The following DCDC1 variants were observed in gnomAD, a reference collection of about 807,000 sequenced individuals.
DCDC1 encodes the protein doublecortin domain containing 1.
A neutral mutation model predicts 178.3 loss-of-function variants in DCDC1; 200 were observed. The observed-to-expected ratio is 1.12, with a 90% CI of 1.00 to 1.26. The LOEUF is 1.26. Ranked by LOEUF, DCDC1 falls within the 50% of genes most tolerant of loss-of-function variation. DCDC1 has a pLI of 0.00. For synonymous variants in DCDC1, 690 were observed against 604.8 expected (o/e 1.14, Z -2.07); for missense variants, 1,983 against 1,749.2 (o/e 1.13, Z -2.38).
rs1051240225 is a variant in DCDC1, at chr11:30,944,998, T to G, written c.2715+7447A>C. 6.6e-5 allele frequency among the ~76,000 whole-genome samples: 8 copies of G among 121,164 alleles called. No individual in the cohort carries two copies. In the Admixed American group the frequency reaches 8.8e-4, roughly 13 times the overall value. The allele number at this position is 121,164 out of a possible 152,430, so 79.5% of individuals were successfully genotyped here. A position where few individuals can be genotyped will look rare whatever the true frequency, so the allele number is the denominator to read the frequency against. On this transcript the variant is annotated intron_variant, in intron 21 of 38. Transcript: ENST00000684477. ...TTTTTTTTTTTTTTGAGACGGAGTC[T>G]CATTCTGTCTCCCAGGTTGGAGTGC... is the stretch of plus-strand genomic sequence containing the variant.
At chr11:31,365,504 T>A (rs2133417798) in intron 1 of DCDC1, among the ~76,000 whole-genome samples, 1 of 152,216 alleles carries the variant, frequency 6.6e-6, no homozygotes, top group Admixed American at 6.5e-5. Context: ...TTAGCAGAAG[T>A]ACACTATATG....
chr11:30,963,890 T>A (rs163865), intron 20 of DCDC1, among the ~76,000 whole-genome samples: 4 of 152,058 alleles, frequency 2.6e-5, no homozygotes. Context: ...TTTTCTGCTA[T>A]CTACTTCTGG....
intron 3 of DCDC1, among the ~76,000 whole-genome samples, chr11:31,323,222 G>T (rs947090691): frequency 2.0e-5 from 3 of 152,150 alleles, no homozygotes; most frequent in Admixed American, 1.3e-4. Flanking sequence ...AGGAAACGCG[G>T]CTACTTTGAC....
intron 7 of DCDC1, among the ~76,000 whole-genome samples, chr11:31,288,523 C>A (rs1947001307): frequency 6.6e-6 from 1 of 151,842 alleles, no homozygotes; most frequent in Non-Finnish European, 1.5e-5. Flanking sequence ...CCCCTTGGCT[C>A]TATTCTGTGC....
At chr11:31,040,265 C>T (rs565628524) in intron 20 of DCDC1, among the ~76,000 whole-genome samples, 1 of 152,240 alleles carries the variant, frequency 6.6e-6, no homozygotes, top group African/African-American at 2.4e-5. Context: ...CCAGTCATCC[C>T]CCTGGCAATG....
chr11:31,151,992 A>G (rs1965218597), intron 9 of DCDC1, among the ~76,000 whole-genome samples: 1 of 152,186 alleles, frequency 6.6e-6, no homozygotes, highest in African/African-American at 2.4e-5. Flanking sequence ...GTGGTAATGG[A>G]CATGTTAATT....
At chr11:30,928,276 C>T (rs994949941) in intron 22 of DCDC1, among the ~76,000 whole-genome samples, 2 of 152,092 alleles carry the variant, frequency 1.3e-5, no homozygotes, top group African/African-American at 4.8e-5. Flanking sequence ...GCCTGAAGCC[C>T]TCACCAGATG....
chr11:30,995,611 T>C (rs540391542), intron 20 of DCDC1, among the ~76,000 whole-genome samples: 1 of 152,062 alleles, frequency 6.6e-6, no homozygotes, highest in East Asian at 1.9e-4. Flanking sequence ...CACAGAAACA[T>C]AGTCAACTGA....
chr11:31,097,069 T>C (rs965610710), intron 15 of DCDC1, among the ~76,000 whole-genome samples: 23 of 152,378 alleles, frequency 1.5e-4, no homozygotes, highest in African/African-American at 5.3e-4. Context: ...AATTCTCTTT[T>C]ATTCTTTTAA....
chr11:31,099,157 T>A (rs940686349), intron 15 of DCDC1, among the ~76,000 whole-genome samples: 1 of 152,168 alleles, frequency 6.6e-6, no homozygotes, highest in Non-Finnish European at 1.5e-5. Context: ...TATCCAATTG[T>A]TTTTAGGTTT....
chr11:30,935,607 A>T lies in DCDC1; in HGVS notation c.2716-3655T>A, dbSNP rs139974323. Among the ~76,000 whole-genome samples the T allele has an allele frequency of 4.0e-3, 609 of 151,556 alleles. 6 individuals are homozygous for T. The highest frequency in any genetic ancestry group is 0.014 in the African/African-American group (584 of 41,340). Reference sequence around the variant, plus strand: ...TCCCACCCTGTCACCAGGCTGGAGTACAATGGTGCAATCTCAGCTCACTGC... The same window carrying T: ...TCCCACCCTGTCACCAGGCTGGAGTTCAATGGTGCAATCTCAGCTCACTGC... On this transcript the variant is annotated intron_variant, in intron 21 of 38. Transcript: ENST00000684477.
At chr11:30,944,429 AAAGT>A in intron 21 of DCDC1, 2 of 435,330 alleles carry the variant, frequency 4.6e-6, no homozygotes, top group Admixed American at 5.0e-5. Context: ...TATAGTACCC[AAAGT>A]ATTCTGAATG....
At chr11:30,974,939 A>G (rs1950022676) in intron 20 of DCDC1, among the ~76,000 whole-genome samples, 1 of 152,166 alleles carries the variant, frequency 6.6e-6, no homozygotes, top group Non-Finnish European at 1.5e-5. Context: ...ATACAAGCCA[A>G]TATCCTTGAT....
At chr11:30,973,823 C>G (rs985315709) in intron 20 of DCDC1, among the ~76,000 whole-genome samples, 1 of 152,136 alleles carries the variant, frequency 6.6e-6, no homozygotes, top group Non-Finnish European at 1.5e-5. Flanking sequence ...TCAACATAGA[C>G]AGGTCATGTA....
intron 20 of DCDC1, among the ~76,000 whole-genome samples, chr11:30,972,094 C>G (rs1448647969): frequency 2.0e-5 from 3 of 152,094 alleles, no homozygotes; most frequent in Non-Finnish European, 4.4e-5. Context: ...TTTCCAAGTC[C>G]AGCAAGAGAT....
At chr11:31,297,744 G>C (rs1947801708) in intron 6 of DCDC1, among the ~76,000 whole-genome samples, 1 of 152,090 alleles carries the variant, frequency 6.6e-6, no homozygotes, top group Non-Finnish European at 1.5e-5. Flanking sequence ...TAGGGCTGAG[G>C]CTATCTGGTA....
intron 9 of DCDC1, among the ~76,000 whole-genome samples, chr11:31,239,854 AT>A (rs1160551644): frequency 5.3e-5 from 8 of 151,840 alleles, no homozygotes; most frequent in Middle Eastern, 6.9e-3. Flanking sequence ...TTCTGAAAGT[AT>A]TTTTTTCTTA....
intron 17 of DCDC1, among the ~76,000 whole-genome samples, chr11:31,087,621 A>T (rs1314002224): frequency 6.6e-6 from 1 of 152,012 alleles, no homozygotes; most frequent in African/African-American, 2.4e-5. Flanking sequence ...AATGTGTTCA[A>T]ATATCTGGGG....
At chr11:31,268,392 G>C (rs1314380899) in intron 7 of DCDC1, among the ~76,000 whole-genome samples, 1 of 152,182 alleles carries the variant, frequency 6.6e-6, no homozygotes, top group Non-Finnish European at 1.5e-5. Context: ...CGCTGTAGGA[G>C]TTCACAGTGT....
Sources: gnomAD v4.1 joint callset for allele counts (sites outside exome capture counted in the v4.1 genomes callset) on GRCh38, gnomAD v4.1.1 for gene constraint, MANE v1.5 for transcripts, NCBI Gene and HGNC (gene_info 2026-07-23, HGNC 2026-07-21) for gene names.